The following PAQR5 variants were observed in gnomAD, a reference collection of about 807,000 sequenced individuals.
PAQR5 encodes membrane progestin receptor gamma.
Under a neutral mutation model 34.5 loss-of-function variants are expected in PAQR5, and 20 were observed. The observed-to-expected ratio is 0.58, with a 90% CI of 0.41 to 0.84. The LOEUF is 0.84. PAQR5 is among the 40% of genes least tolerant of loss of function. The pLI is 0.00. For missense variants in PAQR5, 378 were observed against 412.7 expected (o/e 0.92, Z 0.73); for synonymous variants, 131 against 155.6 (o/e 0.84, Z 1.18).
intron 3 of PAQR5, among the ~76,000 whole-genome samples, chr15:69,364,788 G>T (rs1481092414): frequency 6.6e-6 from 1 of 151,310 alleles, no homozygotes; most frequent in Non-Finnish European, 1.5e-5. Context: ...ACCCAGGCTG[G>T]AGTACAGTGG....
intron 4 of PAQR5, among the ~76,000 whole-genome samples, chr15:69,383,190 T>C (rs1388805739): frequency 1.3e-5 from 2 of 152,128 alleles, no homozygotes; most frequent in African/African-American, 4.8e-5. Context: ...ATGGAGACAG[T>C]AGATAGGCGA....
In PAQR5 at chr15:69,300,915, TTCTCTC is replaced by T. The variant is rs1189522672; in HGVS notation, c.-277+1879_-277+1884del. ...TTTCTTCCTTCCTTCCTTCCTTCCT[TTCTCTC>T]TCTCTCTCTCTCTCTCTCTTTCTTT... is the stretch of plus-strand genomic sequence containing the variant. On this transcript the variant is annotated intron_variant, in intron 1 of 8. Transcript: ENST00000395407. 5.5e-4 allele frequency among the ~76,000 whole-genome samples: 6 copies of T among 10,994 alleles called. 1 individual carries two copies. Among genetic ancestry groups the T allele is most frequent in the African/African-American group, 6.6e-4 (4 of 6,022 alleles). 7.2% of individuals were successfully genotyped at this position (10,994 alleles called of 152,430 possible).
chr15:69,362,935 C>G (rs984463256), intron 3 of PAQR5, among the ~76,000 whole-genome samples: 15 of 152,192 alleles, frequency 9.9e-5, no homozygotes, highest in African/African-American at 3.6e-4. Flanking sequence ...GAGATGCAAC[C>G]TTCACTTGTC....
chr15:69,393,907 C>T (rs1016064536), intron 6 of PAQR5, among the ~76,000 whole-genome samples: 7 of 152,148 alleles, frequency 4.6e-5, no homozygotes, highest in African/African-American at 1.7e-4. Context: ...CATTCTGTAG[C>T]ATTTGAGAGG....
At chr15:69,300,761 C>T (rs1284722141) in intron 1 of PAQR5, among the ~76,000 whole-genome samples, 1 of 32,502 alleles carries the variant, frequency 3.1e-5, no homozygotes, top group Admixed American at 5.6e-4. Flanking sequence ...TCTTTCTCTT[C>T]CTTCCTCCCT....
At chr15:69,378,436 CAAAAA>C (rs1235264927) in intron 3 of PAQR5, among the ~76,000 whole-genome samples, 667 of 52,520 alleles carry the variant, frequency 0.013, 6 homozygotes, top group Middle Eastern at 0.12. Flanking sequence ...GACCCTGTCT[CAAAAA>C]AAAAAAAAAA....
chr15:69,305,295 T>C (rs1166337492), intron 1 of PAQR5, among the ~76,000 whole-genome samples: 1 of 152,180 alleles, frequency 6.6e-6, no homozygotes, highest in Non-Finnish European at 1.5e-5. Flanking sequence ...CTGGGATCAA[T>C]GATCTATGAA....
At chr15:69,310,554 A>C (rs1009462281) in intron 1 of PAQR5, among the ~76,000 whole-genome samples, 3 of 152,164 alleles carry the variant, frequency 2.0e-5, no homozygotes, top group Non-Finnish European at 4.4e-5. Flanking sequence ...CTGTCTATTC[A>C]TATGTTTTAT....
intron 1 of PAQR5, among the ~76,000 whole-genome samples, chr15:69,327,945 AT>A (rs565357825): frequency 6.6e-6 from 1 of 151,878 alleles, no homozygotes; most frequent in African/African-American, 2.4e-5. Context: ...CACCCGGCTA[AT>A]TTTTTTGTAT....
intron 1 of PAQR5, among the ~76,000 whole-genome samples, chr15:69,325,914 C>T (rs1234339158): frequency 6.6e-6 from 1 of 152,184 alleles, no homozygotes; most frequent in East Asian, 1.9e-4. Flanking sequence ...TTTCTTCTCC[C>T]TTGGGCTCCC....
At chr15:69,324,949 A>G (rs1465036427) in intron 1 of PAQR5, among the ~76,000 whole-genome samples, 2 of 145,812 alleles carry the variant, frequency 1.4e-5, no homozygotes, top group Non-Finnish European at 3.0e-5. Flanking sequence ...CCCAGGCTGG[A>G]GTGCAGTGGG....
intron 3 of PAQR5, chr15:69,379,495 A>G (rs2055819049): frequency 2.0e-6 from 2 of 985,252 alleles, no homozygotes; most frequent in African/African-American, 3.5e-5. Flanking sequence ...AGGGCTTGCC[A>G]GCTCAGACAG....
chr15:69,366,630 A>G (rs2055410968), intron 3 of PAQR5, among the ~76,000 whole-genome samples: 1 of 152,230 alleles, frequency 6.6e-6, no homozygotes, highest in Admixed American at 6.5e-5. Flanking sequence ...GCACATGAAT[A>G]ATTTTCATAC....
intron 5 of PAQR5, among the ~76,000 whole-genome samples, chr15:69,386,684 C>T (rs1417629775): frequency 6.6e-6 from 1 of 151,768 alleles, no homozygotes; most frequent in Non-Finnish European, 1.5e-5. Flanking sequence ...TGGGGAGGCT[C>T]AGAAGTGGTC....
At chr15:69,353,581 C>T (rs2054981659) in intron 2 of PAQR5, among the ~76,000 whole-genome samples, 1 of 152,210 alleles carries the variant, frequency 6.6e-6, no homozygotes, top group African/African-American at 2.4e-5. Context: ...GGTGGCAATA[C>T]CTTGCAGGGC....
chr15:69,367,970 A>G (rs1416155814), intron 3 of PAQR5, among the ~76,000 whole-genome samples: 2 of 152,128 alleles, frequency 1.3e-5, no homozygotes, highest in African/African-American at 4.8e-5. Context: ...GCCAAAAACA[A>G]TTCCCATGGC....
intron 4 of PAQR5, among the ~76,000 whole-genome samples, chr15:69,383,824 T>C (rs111867299): frequency 9.2e-5 from 1 of 10,840 alleles, no homozygotes; most frequent in African/African-American, 5.3e-4. Flanking sequence ...GGCCTTTGTG[T>C]TCATGGTGGA....
At chr15:69,386,891 C>T (rs1466146641) in intron 5 of PAQR5, among the ~76,000 whole-genome samples, 1 of 152,176 alleles carries the variant, frequency 6.6e-6, no homozygotes, top group Non-Finnish European at 1.5e-5. Context: ...GTATGTCCAA[C>T]CTGACTGATG....
intron 1 of PAQR5, among the ~76,000 whole-genome samples, chr15:69,325,377 C>T (rs16953133): frequency 0.038 from 5,714 of 152,190 alleles, 226 homozygotes; most frequent in East Asian, 0.15. Flanking sequence ...GCAGAGGGAA[C>T]GAGCACCCAC....
Sources: gnomAD v4.1 joint callset for allele counts (sites outside exome capture counted in the v4.1 genomes callset) on GRCh38, gnomAD v4.1.1 for gene constraint, MANE v1.5 for transcripts, NCBI Gene and HGNC (gene_info 2026-07-23, HGNC 2026-07-21) for gene names.